Variants in WDR41 observed in about 807,000 individuals in gnomAD.
WDR41 encodes the protein WD repeat-containing protein 41.
A neutral mutation model predicts 69.3 loss-of-function variants in WDR41; 63 were observed. That is an observed-to-expected ratio of 0.91 (90% CI 0.74 to 1.12). The LOEUF (loss-of-function observed/expected upper bound fraction) is 1.12. WDR41 is among the 50% of genes most tolerant of loss of function. The pLI is 0.00. For missense variants in WDR41, 543 were observed against 534.5 expected (o/e 1.02, Z -0.16); for synonymous variants, 185 against 192.1 (o/e 0.96, Z 0.31).
intron 1 of WDR41, chr5:77,582,891 C>T (rs567971374): frequency 4.4e-6 from 7 of 1,607,124 alleles, no homozygotes; most frequent in South Asian, 3.3e-5. Flanking sequence ...TGACAGATAA[C>T]GCTTTGATTG....
At chr5:77,497,876 A>G (rs1801957966) in intron 1 of WDR41, among the ~76,000 whole-genome samples, 1 of 152,224 alleles carries the variant, frequency 6.6e-6, no homozygotes, top group Non-Finnish European at 1.5e-5. Context: ...GATAAATAAA[A>G]TGTGATGTAT....
At chr5:77,609,011 C>G (rs758102933) in intron 1 of WDR41, among the ~76,000 whole-genome samples, 12 of 152,220 alleles carry the variant, frequency 7.9e-5, no homozygotes, top group African/African-American at 2.9e-4. Context: ...TATCCCGCAC[C>G]TGGCTCGGAG....
chr5:77,568,651 T>C (rs1358143772), intron 1 of WDR41, among the ~76,000 whole-genome samples: 1 of 152,076 alleles, frequency 6.6e-6, no homozygotes, highest in African/African-American at 2.4e-5. Flanking sequence ...CTAAACAATA[T>C]AGTGCCCATG....
chr5:77,434,163 T>G (rs1348786900), intron 12 of WDR41, among the ~76,000 whole-genome samples: 1 of 151,996 alleles, frequency 6.6e-6, no homozygotes, highest in Middle Eastern at 3.4e-3. Context: ...AAACCCTGTC[T>G]ATACTAAAAA....
chr5:77,453,339 A>C (rs1239197680), intron 6 of WDR41, among the ~76,000 whole-genome samples: 1 of 152,242 alleles, frequency 6.6e-6, no homozygotes, highest in Non-Finnish European at 1.5e-5. Flanking sequence ...GGTATCAAAA[A>C]GTCAAAACTG....
intron 1 of WDR41, among the ~76,000 whole-genome samples, chr5:77,585,441 A>G (rs1335601976): frequency 6.6e-6 from 1 of 152,218 alleles, no homozygotes; most frequent in Non-Finnish European, 1.5e-5. Context: ...TAAAAGTAGA[A>G]CTACCATTTG....
chr5:77,609,892 G>C (rs1445044726), intron 1 of WDR41, among the ~76,000 whole-genome samples: 1 of 152,066 alleles, frequency 6.6e-6, no homozygotes, highest in African/African-American at 2.4e-5. Flanking sequence ...CAAAGGCAAA[G>C]AAGTTAAAAA....
intron 1 of WDR41, among the ~76,000 whole-genome samples, chr5:77,619,823 G>GC (rs1334242260): frequency 6.6e-6 from 1 of 152,040 alleles, no homozygotes; most frequent in African/African-American, 2.4e-5. Context: ...GGAGCCCAGG[G>GC]CTTCGCATAG....
chr5:77,536,252 CTACTGTGTGGAG>C (rs1316929540), intron 1 of WDR41, among the ~76,000 whole-genome samples: 3 of 152,008 alleles, frequency 2.0e-5, no homozygotes, highest in African/African-American at 7.2e-5. Context: ...TACTGAGATC[CTACTGTGTGGAG>C]TACTGTGCTA....
At chr5:77,492,716 T>A (rs1187251884), upstream of WDR41, 2 of 156,414 alleles carry the variant, frequency 1.3e-5, no homozygotes, top group Admixed American at 1.3e-4. Context: ...CTGAAGAAGG[T>A]GTACCGCAGT....
chr5:77,464,648 T>C (rs1284722624), intron 3 of WDR41, 113 bp downstream of exon 3: 7 of 1,031,292 alleles, frequency 6.8e-6, no homozygotes, highest in South Asian at 3.1e-5. Flanking sequence ...CAAATATTAA[T>C]GTGTCAATTA....
At chr5:77,505,250 C>T (rs1802087406) in intron 1 of WDR41, among the ~76,000 whole-genome samples, 1 of 150,218 alleles carries the variant, frequency 6.7e-6, no homozygotes, top group Non-Finnish European at 1.5e-5. Context: ...AACAGAGAGC[C>T]AAATCATGAG....
intron 1 of WDR41, among the ~76,000 whole-genome samples, chr5:77,551,649 G>C (rs779447952): frequency 5.3e-5 from 8 of 151,832 alleles, no homozygotes; most frequent in African/African-American, 1.9e-4. Context: ...CTGCACTCCA[G>C]CCTGGGTGAC....
At chr5:77,550,677 G>T (rs1040908025) in intron 1 of WDR41, among the ~76,000 whole-genome samples, 1 of 152,180 alleles carries the variant, frequency 6.6e-6, no homozygotes, top group Non-Finnish European at 1.5e-5. Flanking sequence ...GCAGTTTGGA[G>T]ATTTCACATA....
chr5:77,579,762 AAAG>A (rs1369073961), intron 1 of WDR41, among the ~76,000 whole-genome samples: 4 of 152,234 alleles, frequency 2.6e-5, no homozygotes, highest in Non-Finnish European at 5.9e-5. Context: ...TGTAATCAGA[AAAG>A]AAGTATAACT....
intron 2 of WDR41, among the ~76,000 whole-genome samples, chr5:77,473,453 T>C (rs1332068757): frequency 6.6e-6 from 1 of 152,140 alleles, no homozygotes; most frequent in Non-Finnish European, 1.5e-5. Flanking sequence ...TGGGATCTAA[T>C]TAAACTAAAG....
rs1213264869 is a variant in WDR41, at chr5:77,583,248, G to GC, written c.42+37230dup. 5.8e-5 allele frequency: 37 copies of GC among 632,590 alleles called. 1 individual carries two copies. The South Asian group carries it at 7.3e-4, about 12-fold the overall frequency. 39.2% of individuals were successfully genotyped at this position (632,590 alleles called of 1,614,324 possible). ...TAAAAAAGCTACCCACAGGCCAGGC[G>GC]CCGTCCCTGTTATCTCAACATTTTA... On this transcript the variant is annotated intron_variant, in intron 1 of 5. Transcript: ENST00000509971.
rs1799130932 is a variant in WDR41 at position 77,440,864 on chromosome 5, G to C, written c.831C>G (p.Leu277=). The change falls in exon 9 of 13, where the codon CTC becomes CTG. Residue 277 remains leucine, a synonymous_variant. Coordinates refer to ENST00000296679, the MANE Select transcript of WDR41 (RefSeq NM_018268.4). ...TAGAAATGTCATTTGATTTTTGACA[G>C]AGTTTTATTTCTTGTTGGGTGTCCA... The part of the protein sequence containing the change: ...PQLDTQQEIK[L]CQKSNDISIH... 1.9e-6 allele frequency: 3 copies of C among 1,614,054 alleles called. No homozygotes were observed. The highest frequency in any genetic ancestry group is 2.7e-5 in the African/African-American group (2 of 75,026).
intron 1 of WDR41, among the ~76,000 whole-genome samples, chr5:77,580,283 T>C (rs187451100): frequency 1.2e-4 from 18 of 152,200 alleles, no homozygotes; most frequent in Admixed American, 7.9e-4. Flanking sequence ...AAATTTACAA[T>C]CATGGCAGAA....
Sources: allele counts gnomAD v4.1 joint callset (sites outside exome capture counted in the v4.1 genomes callset), GRCh38; gene constraint gnomAD v4.1.1; transcripts MANE v1.5; gene names NCBI Gene and HGNC (gene_info 2026-07-23, HGNC 2026-07-21).